The following GRIP1 variants were observed in gnomAD, a reference collection of about 807,000 sequenced individuals.
The protein encoded by GRIP1 is glutamate receptor interacting protein 1, also known as glutamate receptor-interacting protein 1.
In GRIP1, 45 loss-of-function variants were observed where a neutral mutation model predicts 129.9. The observed-to-expected ratio is 0.35, with a 90% CI of 0.27 to 0.44. GRIP1 has a LOEUF of 0.44. GRIP1 is among the 20% of genes least tolerant of loss of function. The pLI is 1.00. For missense variants in GRIP1, 1,196 were observed against 1,396.8 expected (o/e 0.86, Z 2.29); for synonymous variants, 530 against 520.8 (o/e 1.02, Z -0.24).
rs376876142 is a variant in GRIP1, at chr12:66,509,303, C to T, written c.724+6316G>A. On this transcript the variant is annotated intron_variant, in intron 7 of 24. Coordinates refer to ENST00000359742, the MANE Select transcript of GRIP1 (RefSeq NM_001366722.1). Reference sequence around the variant, plus strand: ...GTATTCACTAACAGTTTGGTTAAGGCGAGCACTTTACATGTATTCACTCAC... The same window carrying T: ...GTATTCACTAACAGTTTGGTTAAGGTGAGCACTTTACATGTATTCACTCAC... Among the ~76,000 whole-genome samples the T allele has an allele frequency of 5.2e-4, 79 of 152,184 alleles. No individual in the cohort carries two copies. The South Asian group carries it at 0.013, about 24-fold the overall frequency.
chr12:66,432,854 G>A (rs908059837), intron 13 of GRIP1, among the ~76,000 whole-genome samples: 1 of 152,126 alleles, frequency 6.6e-6, no homozygotes, highest in Non-Finnish European at 1.5e-5. Flanking sequence ...GTTGAGTTCA[G>A]TATTTCTCAA....
intron 1 of GRIP1, among the ~76,000 whole-genome samples, chr12:66,939,163 T>C (rs1202778321): frequency 6.6e-6 from 1 of 151,878 alleles, no homozygotes; most frequent in African/African-American, 2.4e-5. Context: ...TCTGAGAAGA[T>C]GGGGTGGATG....
At chr12:66,933,739 C>T (rs189612050) in intron 1 of GRIP1, among the ~76,000 whole-genome samples, 28 of 152,274 alleles carry the variant, frequency 1.8e-4, no homozygotes, top group African/African-American at 6.5e-4. Flanking sequence ...AATGTTTATT[C>T]ATGTCAAGCT....
At chr12:66,843,680 G>C (rs1220682666) in intron 1 of GRIP1, among the ~76,000 whole-genome samples, 1 of 152,010 alleles carries the variant, frequency 6.6e-6, no homozygotes, top group Non-Finnish European at 1.5e-5. Context: ...ATTTCAACAA[G>C]GGTGTCAAAA....
At chr12:66,750,737 A>G (rs1382428867) in intron 1 of GRIP1, among the ~76,000 whole-genome samples, 3 of 152,238 alleles carry the variant, frequency 2.0e-5, no homozygotes, top group Non-Finnish European at 4.4e-5. Context: ...AAGTCTCTAC[A>G]GATCACAAAG....
intron 1 of GRIP1, among the ~76,000 whole-genome samples, chr12:66,709,856 T>C (rs1267770333): frequency 6.6e-6 from 1 of 152,006 alleles, no homozygotes; most frequent in Non-Finnish European, 1.5e-5. Context: ...AGCTGCTATT[T>C]TTTGAACACC....
At position 66,692,094 on chromosome 12, in the gene GRIP1, T is replaced by C. The variant is rs535764223; in HGVS notation, c.-419-61758A>G. ...TCCTCCCACCTTCAGTTTTCCATTA[T>C]CAATCTCTCAGCAGGGTTTGGATTT... On this transcript the variant is annotated intron_variant, in intron 1 of 4. Coordinates refer to the GRIP1 transcript ENST00000538373. 2.6e-5 allele frequency among the ~76,000 whole-genome samples: 4 copies of C among 152,344 alleles called. 1 individual carries two copies. The South Asian group carries it at 8.3e-4, about 32-fold the overall frequency.
At position 66,927,950 on chromosome 12, in the gene GRIP1, C is replaced by T. The variant is rs1348202833; in HGVS notation, c.58+141100G>A. On this transcript the variant is annotated intron_variant, in intron 1 of 1. Transcript: ENST00000643019. ...TCTCTGATTGGAGAAGATGTTCTTT[C>T]TCCCACTGCAATTAGGGACAATTGC... Among the ~76,000 whole-genome samples, 6 of 152,302 alleles carry T rather than the reference C, an allele frequency of 3.9e-5. No homozygotes were observed. In the South Asian group the frequency reaches 6.2e-4, roughly 16 times the overall value.
intron 1 of GRIP1, among the ~76,000 whole-genome samples, chr12:66,738,518 C>G (rs1842321): frequency 0.57 from 86,099 of 151,942 alleles, 24,703 homozygotes; most frequent in East Asian, 0.77. Context: ...ACCACGCCCA[C>G]CCACTTATTT....
intron 1 of GRIP1, among the ~76,000 whole-genome samples, chr12:66,627,519 T>C (rs1232029910): frequency 6.6e-6 from 1 of 152,192 alleles, no homozygotes; most frequent in Non-Finnish European, 1.5e-5. Context: ...GTGAGTAAGT[T>C]ACTGTAGTGG....
intron 1 of GRIP1, among the ~76,000 whole-genome samples, chr12:66,662,214 CTG>C (rs35127662): frequency 0.018 from 2,736 of 152,242 alleles, 79 homozygotes; most frequent in African/African-American, 0.063. Context: ...TTCCCTCTAA[CTG>C]TGGCTAATAT....
chr12:66,529,420 A>C (rs1738395442), intron 5 of GRIP1, among the ~76,000 whole-genome samples: 1 of 152,238 alleles, frequency 6.6e-6, no homozygotes, highest in African/African-American at 2.4e-5. Flanking sequence ...TGGATAAAGA[A>C]ACTGGTATAC....
intron 1 of GRIP1, among the ~76,000 whole-genome samples, chr12:66,799,619 C>T (rs1280125936): frequency 6.6e-6 from 1 of 152,168 alleles, no homozygotes; most frequent in African/African-American, 2.4e-5. Context: ...GAAGGCAAGA[C>T]TCCCTTTGAT....
At chr12:66,709,356 A>T (rs551176897) in intron 1 of GRIP1, among the ~76,000 whole-genome samples, 65 of 152,124 alleles carry the variant, frequency 4.3e-4, no homozygotes, top group African/African-American at 1.5e-3. Flanking sequence ...GAATTCAAAA[A>T]TGATCTCAAC....
At chr12:66,809,818 T>C (rs1258830080) in intron 1 of GRIP1, among the ~76,000 whole-genome samples, 1 of 151,980 alleles carries the variant, frequency 6.6e-6, no homozygotes, top group African/African-American at 2.4e-5. Context: ...TCTCACCACA[T>C]ACAGCTAATT....
intron 2 of GRIP1, among the ~76,000 whole-genome samples, chr12:66,557,204 A>G (rs2062366209): frequency 6.6e-6 from 1 of 152,178 alleles, no homozygotes; most frequent in Admixed American, 6.5e-5. Flanking sequence ...ATAGATTTTG[A>G]GACAAAAACT....
intron 1 of GRIP1, among the ~76,000 whole-genome samples, chr12:66,702,667 C>T (rs754162825): frequency 6.6e-6 from 1 of 152,070 alleles, no homozygotes; most frequent in Non-Finnish European, 1.5e-5. Context: ...AAAAAAGAGA[C>T]ACAATGCAAT....
rs147009463 is a variant in GRIP1 at position 66,481,675 on chromosome 12, A to G, written c.725-16253T>C. On this transcript the variant is annotated intron_variant, in intron 7 of 24. Transcript: ENST00000359742. ...TATGTTTCTTGCAGCACTGTTCACA[A>G]TAGCAAAGACTTGGAACCAACCCAA... 2.4e-3 allele frequency among the ~76,000 whole-genome samples: 363 copies of G among 152,310 alleles called. 3 individuals carry two copies. The highest frequency in any genetic ancestry group is 8.3e-3 in the African/African-American group (347 of 41,572).
intron 22 of GRIP1, among the ~76,000 whole-genome samples, chr12:66,372,934 T>C (rs2055592350): frequency 6.6e-6 from 1 of 152,200 alleles, no homozygotes; most frequent in African/African-American, 2.4e-5. Flanking sequence ...AGAAAACAAG[T>C]TCCATTTGCC....
Sources: gnomAD v4.1 joint callset for allele counts (sites outside exome capture counted in the v4.1 genomes callset) on GRCh38, gnomAD v4.1.1 for gene constraint, MANE v1.5 for transcripts, NCBI Gene and HGNC (gene_info 2026-07-23, HGNC 2026-07-21) for gene names.